The following EIF4H variants were observed in gnomAD, a reference collection of about 807,000 sequenced individuals.
EIF4H encodes eukaryotic translation initiation factor 4H, also known as Williams-Beuren syndrome chromosome region 1.
In EIF4H, 8 loss-of-function variants were observed where a neutral mutation model predicts 30.6. That is an observed-to-expected ratio of 0.26 (90% CI 0.15 to 0.47). The LOEUF is 0.47. Ranked by LOEUF, EIF4H falls within the 20% of genes least tolerant of loss-of-function variation. EIF4H has a pLI of 0.99. For synonymous variants in EIF4H, 106 were observed against 122.7 expected, an observed-to-expected ratio of 0.86 and a Z score of 0.90; for missense variants, 188 against 339.5, an observed-to-expected ratio of 0.55 and a Z score of 3.51.
At chr7:74,188,595 T>C (rs1295917307) in intron 2 of EIF4H, among the ~76,000 whole-genome samples, 3 of 152,346 alleles carry the variant, frequency 2.0e-5, no homozygotes, top group Middle Eastern at 3.4e-3. Flanking sequence ...AAGCCACATG[T>C]AGTGTGTAAT....
rs1323359170 is a variant in EIF4H at position 74,191,115 on chromosome 7, G to A, written c.469+809G>A. 3.8e-6 allele frequency: 2 copies of A among 525,430 alleles called. 1 individual carries two copies. Among genetic ancestry groups the A allele is most frequent in the African/African-American group, 3.9e-5 (2 of 51,254 alleles). 32.5% of individuals were successfully genotyped at this position (525,430 alleles called of 1,614,324 possible). A position where few individuals can be genotyped will look rare whatever the true frequency, so the allele number is the denominator to read the frequency against. On this transcript the variant is annotated intron_variant, in intron 5 of 6. Coordinates refer to ENST00000265753, the MANE Select transcript of EIF4H (RefSeq NM_022170.2). ...GGGAGGGACTGGTGCACGCTGTCTT[G>A]TGAGTCTGAGATTTTTAAAAACTCA... is the stretch of plus-strand genomic sequence containing the variant.
chr7:74,174,871 C>T (rs1231407446), intron 1 of EIF4H, among the ~76,000 whole-genome samples: 2 of 152,240 alleles, frequency 1.3e-5, no homozygotes, highest in African/African-American at 4.8e-5. Context: ...GCCTGCCCGC[C>T]TTGCAGGCCC....
rs907205160 is a variant in EIF4H at position 74,189,597 on chromosome 7, G to A, written c.248-76G>A. The A allele has an allele frequency of 9.1e-6, 14 of 1,530,454 alleles. 1 individual carries two copies. The highest frequency in any genetic ancestry group is 4.7e-5 in the South Asian group (4 of 85,296). The allele number at this position is 1,530,454 out of a possible 1,614,324, so 94.8% of individuals were successfully genotyped here. ...AGAATGGTAGTTGTGACGTGGAGAA[G>A]TAGTATGAATAGGATCTTCCCACAT... On this transcript the variant is annotated intron_variant, in intron 2 of 6. Transcript: ENST00000265753.
intron 1 of EIF4H, among the ~76,000 whole-genome samples, chr7:74,182,731 A>G (rs1800990077): frequency 6.6e-6 from 1 of 152,080 alleles, no homozygotes; most frequent in African/African-American, 2.4e-5. Context: ...TGTTGCATCT[A>G]CTTACTGGAT....
At chr7:74,183,178 C>T (rs782339858) in intron 1 of EIF4H, among the ~76,000 whole-genome samples, 2 of 152,158 alleles carry the variant, frequency 1.3e-5, no homozygotes, top group Non-Finnish European at 2.9e-5. Context: ...GTAGGGTTTC[C>T]TAAATTACTG....
intron 5 of EIF4H, among the ~76,000 whole-genome samples, chr7:74,190,772 G>A (rs1002641739): frequency 2.6e-5 from 4 of 151,888 alleles, no homozygotes; most frequent in Admixed American, 1.3e-4. Context: ...GCACTTCGCC[G>A]TTCTCTTTCT....
At chr7:74,184,276 G>A (rs1801033561) in intron 1 of EIF4H, among the ~76,000 whole-genome samples, 1 of 152,086 alleles carries the variant, frequency 6.6e-6, no homozygotes, top group South Asian at 2.1e-4. Context: ...GCTCAATCAG[G>A]GGTCAAGTCT....
At chr7:74,180,211 A>T (rs1307545849) in intron 1 of EIF4H, among the ~76,000 whole-genome samples, 4 of 152,132 alleles carry the variant, frequency 2.6e-5, no homozygotes, top group Non-Finnish European at 4.4e-5. Flanking sequence ...CAAAAAACCC[A>T]AATACTGTTC....
chr7:74,184,897 T>C (rs1386227026), intron 1 of EIF4H, among the ~76,000 whole-genome samples: 1 of 152,166 alleles, frequency 6.6e-6, no homozygotes, highest in Non-Finnish European at 1.5e-5. Context: ...GCCAGGCTGG[T>C]CTTGAACTTC....
chr7:74,194,680 T>C (rs1171379789), intron 5 of EIF4H, 61 bp from the exon 6 acceptor site: 1 of 1,493,642 alleles, frequency 6.7e-7, no homozygotes, highest in African/African-American at 1.4e-5. Context: ...AGAACATTAT[T>C]CTATAAGCAG....
intron 1 of EIF4H, among the ~76,000 whole-genome samples, chr7:74,179,623 C>T (rs1800913137): frequency 1.0e-5 from 1 of 99,264 alleles, no homozygotes; most frequent in South Asian, 3.9e-4. Flanking sequence ...CAGGGTGAGA[C>T]TCTGTATCAA....
chr7:74,193,314 C>T (rs1184450866), intron 5 of EIF4H, among the ~76,000 whole-genome samples: 1 of 152,232 alleles, frequency 6.6e-6, no homozygotes, highest in Non-Finnish European at 1.5e-5. Flanking sequence ...TCTGCCTCAG[C>T]TGGGATCGTC....
chr7:74,177,085 TATTCTTTATCA>T (rs1488242624), intron 1 of EIF4H, among the ~76,000 whole-genome samples: 3 of 152,218 alleles, frequency 2.0e-5, no homozygotes, highest in Non-Finnish European at 4.4e-5. Context: ...ACTCCAAATT[TATTCTTTATCA>T]GGATTCAGTT....
intron 1 of EIF4H, among the ~76,000 whole-genome samples, chr7:74,184,760 G>T (rs544307716): frequency 2.0e-5 from 3 of 151,964 alleles, no homozygotes; most frequent in African/African-American, 7.3e-5. Context: ...AGGCTGAAGC[G>T]CAGTGACACA....
At chr7:74,194,712 AGTAAT>A in intron 5 of EIF4H, 24 bp from the exon 6 acceptor site, 1 of 1,538,190 alleles carries the variant, frequency 6.5e-7, no homozygotes, top group Non-Finnish European at 8.8e-7. Context: ...TAGTTTGAAA[AGTAAT>A]TCAGTGTCCT....
chr7:74,186,189 G>GT (rs5884934), intron 1 of EIF4H, among the ~76,000 whole-genome samples: 3,794 of 151,040 alleles, frequency 0.025, 171 homozygotes, highest in African/African-American at 0.086. Context: ...GGCAAATATC[G>GT]TTTAATATAA....
Position 74,195,635 on chromosome 7 carries a change from G to T in EIF4H, c.*327G>T, listed in dbSNP as rs551636758. ...GGAGCAGAGGTGGCCGCCGTGGGGG[G>T]GCGTTTGGGCTGCGGTGCTGCGTCA... is the stretch of plus-strand genomic sequence containing the variant. On this transcript the variant is annotated 3_prime_UTR_variant, in exon 7 of 7. Coordinates refer to ENST00000265753, the MANE Select transcript of EIF4H (RefSeq NM_022170.2). The T allele has an allele frequency of 2.2e-5, 5 of 230,210 alleles. No individual in the cohort carries two copies. The East Asian group carries it at 2.8e-4, about 13-fold the overall frequency. 14.3% of individuals were successfully genotyped at this position (230,210 alleles called of 1,614,324 possible).
Position 74,195,508 on chromosome 7 carries a change from C to G in EIF4H, c.*200C>G. 1 of 473,136 alleles carries G rather than the reference C, an allele frequency of 2.1e-6. No individual in the cohort carries two copies. Among genetic ancestry groups the G allele is most frequent in the Non-Finnish European group, 3.7e-6 (1 of 270,156 alleles). The allele number at this position is 473,136 out of a possible 1,614,324, so 29.3% of individuals were successfully genotyped here. A position where few individuals can be genotyped will look rare whatever the true frequency, so the allele number is the denominator to read the frequency against. The stretch of plus-strand genomic sequence containing the variant: ...TGGGCTTTGCTGTATCTATCTAGTG[C>G]CTGTTTGTGCGTTTTTTTCTTTCTT... On this transcript the variant is annotated 3_prime_UTR_variant, in exon 7 of 7. Transcript: ENST00000265753.
In EIF4H at chr7:74,190,424, A is replaced by C. The variant is rs2272569; in HGVS notation, c.469+118A>C. 4.0e-6 allele frequency: 4 copies of C among 1,011,860 alleles called. No homozygotes were observed. The African/African-American group carries it at 6.4e-5, about 16-fold the overall frequency. The allele number at this position is 1,011,860 out of a possible 1,614,324, so 62.7% of individuals were successfully genotyped here. On this transcript the variant is annotated intron_variant, in intron 5 of 6. Transcript: ENST00000265753. ...TTATTTAGTTCCTTTAACAAATACA[A>C]CTCTCCTGCAGGGTGCCCAGGCATG... is the stretch of plus-strand genomic sequence containing the variant.
Sources: allele counts gnomAD v4.1 joint callset (sites outside exome capture counted in the v4.1 genomes callset), GRCh38; gene constraint gnomAD v4.1.1; transcripts MANE v1.5; gene names NCBI Gene and HGNC (gene_info 2026-07-23, HGNC 2026-07-21).